The following ESR1 variants were observed in gnomAD, a reference collection of about 807,000 sequenced individuals.
The protein encoded by ESR1 is estrogen receptor.
Under a neutral mutation model 52.7 loss-of-function variants are expected in ESR1, and 12 were observed. The ratio of observed to expected loss-of-function variants is 0.23; its 90% CI spans 0.15 to 0.37. The LOEUF (loss-of-function observed/expected upper bound fraction) is 0.37. ESR1 is among the 10% of genes least tolerant of loss of function. The pLI is 1.00. For synonymous variants in ESR1, 305 were observed against 316.8 expected, an observed-to-expected ratio of 0.96 and a Z score of 0.39; for missense variants, 584 against 779.7, an observed-to-expected ratio of 0.75 and a Z score of 2.99.
upstream of ESR1, chr6:151,805,813 C>T (rs1777751597): frequency 6.6e-6 from 1 of 152,262 alleles, no homozygotes; most frequent in South Asian, 2.1e-4. Context: ...CGTTCTTGAT[C>T]CAGCAGGGTA....
chr6:151,855,554 A>G (rs1370567013), intron 2 of ESR1, among the ~76,000 whole-genome samples: 3 of 152,216 alleles, frequency 2.0e-5, no homozygotes, highest in Admixed American at 6.5e-5. Flanking sequence ...AATAAAATGT[A>G]ACAGATATGT....
At chr6:151,819,289 C>G (rs1291568147) in intron 1 of ESR1, among the ~76,000 whole-genome samples, 1 of 152,104 alleles carries the variant, frequency 6.6e-6, no homozygotes, top group Non-Finnish European at 1.5e-5. Context: ...GAGTTGTCTT[C>G]CCCCTCTATG....
chr6:152,127,494 T>TA (rs771678150), exon 7 of ESR1: 25 of 152,182 alleles, frequency 1.6e-4, no homozygotes, highest in Non-Finnish European at 1.5e-4. Flanking sequence ...CTCATACCCT[T>TA]AGGGGTTGGC....
intron 3 of ESR1, among the ~76,000 whole-genome samples, chr6:151,920,601 G>A (rs1408461542): frequency 6.6e-6 from 1 of 152,138 alleles, no homozygotes; most frequent in Non-Finnish European, 1.5e-5. Context: ...CCATGGTTGT[G>A]ACAGTTTCTG....
chr6:151,813,637 C>T (rs1459292840), intron 1 of ESR1, among the ~76,000 whole-genome samples: 1 of 151,958 alleles, frequency 6.6e-6, no homozygotes, highest in African/African-American at 2.4e-5. Context: ...CCCAAAATTC[C>T]AAGCAAGACT....
intron 2 of ESR1, among the ~76,000 whole-genome samples, chr6:151,763,845 C>G (rs1784839960): frequency 6.6e-6 from 1 of 152,082 alleles, no homozygotes; most frequent in Non-Finnish European, 1.5e-5. Flanking sequence ...GGGAACTGGA[C>G]AGAGAATTAA....
At chr6:152,043,154 G>A (rs1472180764) in intron 5 of ESR1, among the ~76,000 whole-genome samples, 2 of 152,120 alleles carry the variant, frequency 1.3e-5, no homozygotes, top group Admixed American at 6.5e-5. Flanking sequence ...ATAAGCCTTT[G>A]GATCCCTTCC....
intron 2 of ESR1, among the ~76,000 whole-genome samples, chr6:151,796,905 A>G (rs760402471): frequency 1.3e-4 from 20 of 152,254 alleles, no homozygotes; most frequent in Non-Finnish European, 2.6e-4. Context: ...AAAGAGGCCG[A>G]GCCAATCTAG....
intron 2 of ESR1, among the ~76,000 whole-genome samples, chr6:151,865,606 C>T (rs1174391090): frequency 6.6e-6 from 1 of 152,170 alleles, no homozygotes. Context: ...CAATCTGGGA[C>T]ATCAAGAAGC....
At chr6:151,945,611 T>C (rs1286182345) in intron 4 of ESR1, among the ~76,000 whole-genome samples, 7 of 152,382 alleles carry the variant, frequency 4.6e-5, no homozygotes, top group Non-Finnish European at 7.3e-5. Flanking sequence ...CTAAATTTTT[T>C]TTCTGGGCTT....
chr6:151,844,806 T>TA (rs970034405), intron 2 of ESR1, among the ~76,000 whole-genome samples: 4 of 150,864 alleles, frequency 2.7e-5, no homozygotes, highest in Non-Finnish European at 4.4e-5. Flanking sequence ...CCGAGAGAAA[T>TA]AAAAAAAAAG....
intron 3 of ESR1, among the ~76,000 whole-genome samples, chr6:151,904,378 C>A (rs939237054): frequency 1.3e-5 from 2 of 152,130 alleles, no homozygotes; most frequent in Non-Finnish European, 1.5e-5. Flanking sequence ...GCTGACACTG[C>A]TATATAGATA....
In ESR1 at chr6:151,789,185, G is replaced by T. The variant is rs147047936; in HGVS notation, c.-70-18658G>T. On this transcript the variant is annotated intron_variant, in intron 2 of 2. Coordinates refer to the ESR1 transcript ENST00000404742. ...GGGAACCCTTATTACACAATTAGTGGGAATGTAAATTAGTGCAGCCATTTT... is the reference window on the plus strand; with the variant it reads ...GGGAACCCTTATTACACAATTAGTGTGAATGTAAATTAGTGCAGCCATTTT... Among the ~76,000 whole-genome samples the T allele has an allele frequency of 1.9e-3, 285 of 152,256 alleles. 1 individual carries two copies. Among genetic ancestry groups the T allele is most frequent in the African/African-American group, 6.6e-3 (276 of 41,546 alleles).
At chr6:151,981,761 A>C (rs930259941) in intron 4 of ESR1, among the ~76,000 whole-genome samples, 1 of 152,248 alleles carries the variant, frequency 6.6e-6, no homozygotes, top group African/African-American at 2.4e-5. Context: ...ATTCAAATGT[A>C]TGCAATCTTG....
chr6:151,698,482 A>G (rs1447807729), intron 1 of ESR1, among the ~76,000 whole-genome samples: 1 of 152,062 alleles, frequency 6.6e-6, no homozygotes, highest in Non-Finnish European at 1.5e-5. Context: ...CTGATTTAGG[A>G]TTCTGCTTGG....
intron 5 of ESR1, among the ~76,000 whole-genome samples, chr6:152,050,464 A>G (rs994205693): frequency 6.6e-6 from 1 of 152,034 alleles, no homozygotes; most frequent in Non-Finnish European, 1.5e-5. Flanking sequence ...AATTTCTCTT[A>G]TTTGTTTTAA....
At chr6:151,924,270 T>A (rs1225373176) in intron 3 of ESR1, among the ~76,000 whole-genome samples, 1 of 152,156 alleles carries the variant, frequency 6.6e-6, no homozygotes, top group African/African-American at 2.4e-5. Context: ...CTTGAACTCC[T>A]GACCTTGTGA....
At chr6:152,018,390 T>A (rs950421831) in intron 5 of ESR1, among the ~76,000 whole-genome samples, 12 of 150,950 alleles carry the variant, frequency 7.9e-5, no homozygotes, top group African/African-American at 2.0e-4. Context: ...AAACTTCAGG[T>A]AAATTCTTTG....
intron 2 of ESR1, among the ~76,000 whole-genome samples, chr6:151,789,221 C>T (rs1787302422): frequency 6.6e-6 from 1 of 152,052 alleles, no homozygotes; most frequent in South Asian, 2.1e-4. Context: ...GGAAAATAGC[C>T]AAGGAAAATT....
Sources: allele counts gnomAD v4.1 joint callset (sites outside exome capture counted in the v4.1 genomes callset), GRCh38; gene constraint gnomAD v4.1.1; transcripts MANE v1.5; gene names NCBI Gene and HGNC (gene_info 2026-07-23, HGNC 2026-07-21).